ANKRD40: variants seen among roughly 807,000 people sequenced by gnomAD.
ANKRD40 encodes ankyrin repeat domain 40.
A neutral mutation model predicts 35.5 loss-of-function variants in ANKRD40; 24 were observed. The ratio of observed to expected loss-of-function variants is 0.68; its 90% CI spans 0.49 to 0.95. The LOEUF is 0.95. ANKRD40 is among the 40% of genes least tolerant of loss of function. The probability of loss-of-function intolerance (pLI) is 0.00; values close to 1 mark genes in which losing one functional copy is unlikely to be tolerated. For synonymous variants in ANKRD40, 147 were observed against 173.5 expected (o/e 0.85, Z 1.20); for missense variants, 361 against 436.0 (o/e 0.83, Z 1.53).
In ANKRD40 at chr17:50,699,837, CCTT is replaced by C. The variant is rs896162937; in HGVS notation, c.337_339del (p.Lys113del). The C allele has an allele frequency of 9.2e-6, 14 of 1,528,138 alleles. No individual in the cohort carries two copies. Among genetic ancestry groups the C allele is most frequent in the Admixed American group, 8.7e-5 (4 of 45,944 alleles). 94.7% of individuals were successfully genotyped at this position (1,528,138 alleles called of 1,614,324 possible). A position where few individuals can be genotyped will look rare whatever the true frequency, so the allele number is the denominator to read the frequency against. On this transcript the variant is annotated inframe_deletion, in exon 3 of 5. Coordinates refer to ENST00000285243, the MANE Select transcript of ANKRD40 (RefSeq NM_052855.4). ...TTGGGAACAAAGGGCAGTTCTGACT[CCTT>C]CTTCAGCTGGGGGAGGTTGTCATCA...
chr17:50,696,467 A>G (rs907029706), intron 4 of ANKRD40, among the ~76,000 whole-genome samples: 2 of 152,376 alleles, frequency 1.3e-5, no homozygotes, highest in East Asian at 3.9e-4. Flanking sequence ...AGGACCACAC[A>G]TGCATCTATG....
rs1968355414 is a variant in ANKRD40, at chr17:50,707,552, C to G, written c.103G>C (p.Asp35His). ...EVQKLVESGV[D>H]VNSQNEVNGW... ...TTGACCTCATTTTGGGAGTTCACATCCACCCCGCTCTCCACCAGTTTCTGC... is the reference window on the plus strand; with the variant it reads ...TTGACCTCATTTTGGGAGTTCACATGCACCCCGCTCTCCACCAGTTTCTGC... The change falls in exon 1 of 5, where the codon GAT becomes CAT. Residue 35 changes from aspartate to histidine, a missense_variant. Physicochemically the swap from Asp to His is moderately conservative, Grantham distance 81. Transcript: ENST00000285243. The surrounding 1 kb of genome is among the most constrained non-coding windows in gnomAD (Gnocchi z 4.8). The G allele has an allele frequency of 1.2e-6, 2 of 1,608,362 alleles. No homozygotes were observed. The highest frequency in any genetic ancestry group is 1.7e-6 in the Non-Finnish European group (2 of 1,177,252).
intron 4 of ANKRD40, 99 bp downstream of exon 4, chr17:50,696,841 A>G (rs762993460): frequency 4.4e-6 from 5 of 1,135,468 alleles, no homozygotes; most frequent in Non-Finnish European, 6.1e-6. Flanking sequence ...CTCCTTTTCT[A>G]TTCTTTGTTT....
chr17:50,704,515 CAAAAAA>C (rs892783050), intron 1 of ANKRD40, among the ~76,000 whole-genome samples: 2 of 40,200 alleles, frequency 5.0e-5, no homozygotes, highest in South Asian at 1.6e-3. Flanking sequence ...AACTCCATCT[CAAAAAA>C]AAAAAAAAAA....
chr17:50,699,880 A>T lies in ANKRD40; in HGVS notation c.297T>A (p.Asp99Glu), dbSNP rs145395652. ...IRKIMGVEEE[D>E]DDDDDDDNLP... ...GGTTGTCATCATCATCATCATCATC[A>T]TCTTCTTCTTCCACTTAAAAAGAAG... The change falls in exon 3 of 5, where the codon GAT (aspartate) becomes GAA (glutamate). Residue 99 changes from aspartate (D) to glutamate (E), a missense_variant. Transcript: ENST00000285243. The T allele has an allele frequency of 1.5e-4, 230 of 1,505,396 alleles. No individual in the cohort carries two copies. The highest frequency in any genetic ancestry group is 5.7e-4 in the Admixed American group (25 of 43,556). 93.3% of individuals were successfully genotyped at this position (1,505,396 alleles called of 1,614,324 possible).
chr17:50,693,204 T>C lies in ANKRD40; in HGVS notation c.*2793A>G, dbSNP rs1314924246. 2 of 152,160 alleles carry C rather than the reference T, an allele frequency of 1.3e-5. No homozygotes were observed. The highest frequency in any genetic ancestry group is 4.8e-5 in the African/African-American group (2 of 41,408). The allele number at this position is 152,160 out of a possible 1,614,324, so 9.4% of individuals were successfully genotyped here. A position where few individuals can be genotyped will look rare whatever the true frequency, so the allele number is the denominator to read the frequency against. ...ATGAAGGCATATAGGATCGGTCAGT[T>C]AATATTTAATTTTAATAATACTTGT... On this transcript the variant is annotated 3_prime_UTR_variant, in exon 5 of 5. Transcript: ENST00000285243.
At chr17:50,702,168 G>C (rs1890313197) in intron 1 of ANKRD40, among the ~76,000 whole-genome samples, 1 of 152,164 alleles carries the variant, frequency 6.6e-6, no homozygotes, top group Non-Finnish European at 1.5e-5. Flanking sequence ...ACTTAGGGAG[G>C]CCAAGGCAGG....
chr17:50,704,502 T>G (rs1968306012), intron 1 of ANKRD40, among the ~76,000 whole-genome samples: 2 of 108,510 alleles, frequency 1.8e-5, no homozygotes, highest in Admixed American at 1.3e-4. Flanking sequence ...GTGACAAGAG[T>G]GAAACTCCAT....
chr17:50,706,328 G>A (rs916435222), intron 1 of ANKRD40, among the ~76,000 whole-genome samples: 1 of 151,456 alleles, frequency 6.6e-6, no homozygotes, highest in South Asian at 2.1e-4. Flanking sequence ...CATCATGTTG[G>A]CCAGGATGGT....
At chr17:50,702,166 A>G (rs1461247939) in intron 1 of ANKRD40, among the ~76,000 whole-genome samples, 3 of 152,182 alleles carry the variant, frequency 2.0e-5, no homozygotes, top group Admixed American at 2.0e-4. Flanking sequence ...GCACTTAGGG[A>G]GGCCAAGGCA....
intron 1 of ANKRD40, among the ~76,000 whole-genome samples, chr17:50,703,270 C>G (rs994717235): frequency 2.6e-5 from 4 of 152,152 alleles, no homozygotes; most frequent in Non-Finnish European, 5.9e-5. Context: ...GGACATTGTT[C>G]TAAAGGCATT....
At chr17:50,702,890 A>G (rs1222781039) in intron 1 of ANKRD40, among the ~76,000 whole-genome samples, 1 of 152,252 alleles carries the variant, frequency 6.6e-6, no homozygotes, top group African/African-American at 2.4e-5. Flanking sequence ...TTCATGAACC[A>G]AGGGTTATGC....
At chr17:50,701,263 C>T (rs934844368) in intron 1 of ANKRD40, among the ~76,000 whole-genome samples, 2 of 152,160 alleles carry the variant, frequency 1.3e-5, no homozygotes, top group Admixed American at 1.3e-4. Flanking sequence ...TTCCTTAACA[C>T]ACACACAAAG....
At chr17:50,697,245 C>A in intron 3 of ANKRD40, 124 bp from the exon 4 acceptor site, 1 of 967,488 alleles carries the variant, frequency 1.0e-6, no homozygotes, top group Non-Finnish European at 1.5e-6. Context: ...ATTAACAGAC[C>A]TGTTTGGTGG....
intron 1 of ANKRD40, among the ~76,000 whole-genome samples, chr17:50,703,471 G>A (rs911869339): frequency 6.6e-6 from 1 of 152,172 alleles, no homozygotes; most frequent in Non-Finnish European, 1.5e-5. Context: ...AGGTTGGAAA[G>A]GGGCATTGTG....
In ANKRD40 at chr17:50,693,744, C is replaced by G. The variant is rs574134856; in HGVS notation, c.*2253G>C. On this transcript the variant is annotated 3_prime_UTR_variant, in exon 5 of 5. Coordinates refer to ENST00000285243, the MANE Select transcript of ANKRD40 (RefSeq NM_052855.4). Reference sequence around the variant, plus strand: ...GAATTTATTTCCTCTAGGACAGAACCAGACTTAACTTTATTAGTAAACTGT... The same window carrying G: ...GAATTTATTTCCTCTAGGACAGAACGAGACTTAACTTTATTAGTAAACTGT... 6.6e-6 allele frequency: 1 copy of G among 152,300 alleles called. No homozygotes were observed. Among genetic ancestry groups the G allele is most frequent in the African/African-American group, 2.4e-5 (1 of 41,556 alleles). The allele number at this position is 152,300 out of a possible 1,614,324, so 9.4% of individuals were successfully genotyped here. A position where few individuals can be genotyped will look rare whatever the true frequency, so the allele number is the denominator to read the frequency against.
chr17:50,706,590 T>A (rs1281606611), intron 1 of ANKRD40, among the ~76,000 whole-genome samples: 1 of 151,860 alleles, frequency 6.6e-6, no homozygotes, highest in Non-Finnish European at 1.5e-5. Context: ...TGGGTGACAT[T>A]CTGTATTTGA....
At position 50,694,657 on chromosome 17, in the gene ANKRD40, C is replaced by T. The variant is rs1388274220; in HGVS notation, c.*1340G>A. ...GACACTGAAGGAAAGGAAAAGAATC[C>T]TTGAATGCATTCTTCTAAAAAATTC... is the stretch of plus-strand genomic sequence containing the variant. On this transcript the variant is annotated 3_prime_UTR_variant, in exon 5 of 5. Transcript: ENST00000285243. The T allele has an allele frequency of 6.6e-6, 1 of 152,236 alleles. No homozygotes were observed. Among genetic ancestry groups the T allele is most frequent in the East Asian group, 1.9e-4 (1 of 5,184 alleles). 9.4% of individuals were successfully genotyped at this position (152,236 alleles called of 1,614,324 possible).
In ANKRD40 at chr17:50,694,787, AG is replaced by A; in HGVS notation, c.*1209del. 6.6e-6 allele frequency: 1 copy of A among 152,348 alleles called. No homozygotes were observed. Among genetic ancestry groups the A allele is most frequent in the Middle Eastern group, 3.4e-3 (1 of 294 alleles). The allele number at this position is 152,348 out of a possible 1,614,324, so 9.4% of individuals were successfully genotyped here. A position where few individuals can be genotyped will look rare whatever the true frequency, so the allele number is the denominator to read the frequency against. On this transcript the variant is annotated 3_prime_UTR_variant, in exon 5 of 5. Coordinates refer to ENST00000285243, the MANE Select transcript of ANKRD40 (RefSeq NM_052855.4). ...TGTGAAGTGAATTGGTGGTAGTAGT[AG>A]GGGGATCACTAAGATCAAACAATTT...
Sources: gnomAD v4.1 joint callset for allele counts (sites outside exome capture counted in the v4.1 genomes callset) on GRCh38, gnomAD v4.1.1 for gene constraint, Gnocchi (gnomAD v3.1) non-coding constraint, MANE v1.5 for transcripts, NCBI Gene and HGNC (gene_info 2026-07-23, HGNC 2026-07-21) for gene names.